The following DNAAF5 variants were observed in gnomAD, a reference collection of about 807,000 sequenced individuals.
DNAAF5 encodes dynein axonemal assembly factor 5.
A neutral mutation model predicts 75.8 loss-of-function variants in DNAAF5; 64 were observed. That is an observed-to-expected ratio of 0.84 (90% CI 0.69 to 1.04). The LOEUF (loss-of-function observed/expected upper bound fraction) is 1.04. Among genes scored for constraint, DNAAF5 ranks in the 50% least tolerant of loss-of-function variants. The pLI, the probability that DNAAF5 is intolerant of heterozygous loss-of-function variation, is 0.00. For missense variants in DNAAF5, 1,269 were observed against 1,178.5 expected (o/e 1.08, Z -1.12); for synonymous variants, 657 against 557.2 (o/e 1.18, Z -2.52).
intron 12 of DNAAF5, among the ~76,000 whole-genome samples, chr7:782,064 G>C (rs574340641): frequency 1.3e-5 from 2 of 152,226 alleles, no homozygotes; most frequent in East Asian, 1.9e-4. Flanking sequence ...GCGCAGCTGC[G>C]TCCGGTTTCC....
At chr7:768,887 A>AGAAACTGGGTCAGAAGCAGCGTG (rs1778452598) in intron 8 of DNAAF5, 3 of 502,248 alleles carry the variant, frequency 6.0e-6, no homozygotes, top group Non-Finnish European at 1.1e-5. Context: ...TGAAACAGTC[A>AGAAACTGGGTCAGAAGCAGCGTG]GAAACTGGGT....
chr7:764,123 C>A, intron 8 of DNAAF5, 149 bp downstream of exon 8: 1 of 813,274 alleles, frequency 1.2e-6, no homozygotes, highest in Non-Finnish European at 1.9e-6. Flanking sequence ...GTCACTCTTG[C>A]CTGGGGAGAA....
chr7:783,957 A>G (rs1024864486), intron 12 of DNAAF5, among the ~76,000 whole-genome samples: 1 of 148,302 alleles, frequency 6.7e-6, no homozygotes, highest in South Asian at 2.1e-4. Flanking sequence ...TCCCCACTGC[A>G]CGGTACAGGC....
intron 4 of DNAAF5, among the ~76,000 whole-genome samples, chr7:751,782 CAGG>C (rs1562384983): frequency 7.2e-5 from 11 of 151,994 alleles, no homozygotes; most frequent in Non-Finnish European, 1.2e-4. Context: ...CCATGTTAGT[CAGG>C]GTGGTCTTGA....
At chr7:753,668 C>CA (rs1194554951) in intron 4 of DNAAF5, among the ~76,000 whole-genome samples, 1 of 149,794 alleles carries the variant, frequency 6.7e-6, no homozygotes, top group African/African-American at 2.5e-5. Context: ...GCTTCGCAGG[C>CA]TTGTCTCTCT....
intron 2 of DNAAF5, among the ~76,000 whole-genome samples, chr7:735,486 G>A (rs946158141): frequency 6.6e-6 from 1 of 151,434 alleles, no homozygotes; most frequent in East Asian, 2.0e-4. Context: ...TGCTCATGGT[G>A]TCGTTGCTCA....
chr7:770,671 G>T lies in DNAAF5; in HGVS notation c.1931+53G>T, dbSNP rs182778877. The T allele has an allele frequency of 8.9e-6, 14 of 1,573,366 alleles. No individual in the cohort carries two copies. The African/African-American group carries it at 1.6e-4, about 18-fold the overall frequency. On this transcript the variant is annotated intron_variant, in intron 9 of 12. Coordinates refer to ENST00000297440, the MANE Select transcript of DNAAF5 (RefSeq NM_017802.4). ...CCCCCAGCTGGGGCCTGGGCCAGGG[G>T]TCCCCATCTCCCTCCCCAACAGCTC...
chr7:750,213 C>T (rs982901912), intron 4 of DNAAF5, among the ~76,000 whole-genome samples: 2 of 152,222 alleles, frequency 1.3e-5, no homozygotes, highest in Non-Finnish European at 2.9e-5. Flanking sequence ...ACCTGCTGCA[C>T]AGGTTCGTGG....
intron 4 of DNAAF5, among the ~76,000 whole-genome samples, chr7:745,486 G>C (rs1221745068): frequency 6.6e-6 from 1 of 152,210 alleles, no homozygotes; most frequent in African/African-American, 2.4e-5. Context: ...GTGCACACAT[G>C]TACATGCATA....
chr7:781,024 TC>T (rs1217311309), intron 12 of DNAAF5, among the ~76,000 whole-genome samples: 1 of 152,152 alleles, frequency 6.6e-6, no homozygotes, highest in African/African-American at 2.4e-5. Context: ...ACTTACACTT[TC>T]TTTGTGTTAC....
intron 11 of DNAAF5, chr7:778,404 T>C (rs1355897862): frequency 3.9e-5 from 6 of 152,186 alleles, no homozygotes; most frequent in African/African-American, 1.4e-4. Context: ...GAAGGAAGGA[T>C]GTCCTGAGTT....
chr7:772,404 G>C (rs746392052), intron 9 of DNAAF5: 3 of 152,248 alleles, frequency 2.0e-5, no homozygotes, highest in Non-Finnish European at 4.4e-5. Context: ...TTTGCATTCT[G>C]AAGTGAAGGA....
At position 785,969 on chromosome 7, in the gene DNAAF5, G is replaced by A; in HGVS notation, c.*316G>A. 3.7e-6 allele frequency: 1 copy of A among 273,234 alleles called. No individual in the cohort carries two copies. The highest frequency in any genetic ancestry group is 6.9e-6 in the Non-Finnish European group (1 of 145,374). 16.9% of individuals were successfully genotyped at this position (273,234 alleles called of 1,614,324 possible). A position where few individuals can be genotyped will look rare whatever the true frequency, so the allele number is the denominator to read the frequency against. On this transcript the variant is annotated 3_prime_UTR_variant, in exon 13 of 13. Transcript: ENST00000297440. ...ATTTTAAGCCTCACGTGCGCAGCTG[G>A]TTCATGAACTATTGGCTGCATCCTG...
intron 12 of DNAAF5, among the ~76,000 whole-genome samples, chr7:780,982 A>T (rs1042773615): frequency 6.6e-6 from 1 of 152,172 alleles, no homozygotes; most frequent in Non-Finnish European, 1.5e-5. Flanking sequence ...TGTAAATCAC[A>T]TTGGGGAAAT....
At chr7:752,064 G>A (rs1782314689) in intron 4 of DNAAF5, among the ~76,000 whole-genome samples, 1 of 152,188 alleles carries the variant, frequency 6.6e-6, no homozygotes, top group Non-Finnish European at 1.5e-5. Context: ...GGGGCCACGT[G>A]GTGTTGGCTT....
chr7:753,419 A>T (rs1469902557), intron 4 of DNAAF5, among the ~76,000 whole-genome samples: 3 of 152,240 alleles, frequency 2.0e-5, no homozygotes, highest in Non-Finnish European at 4.4e-5. Context: ...CAGCTCAGTC[A>T]CGGGACAGAT....
At chr7:738,232 C>T (rs1415829199) in intron 2 of DNAAF5, among the ~76,000 whole-genome samples, 1 of 152,134 alleles carries the variant, frequency 6.6e-6, no homozygotes, top group Non-Finnish European at 1.5e-5. Context: ...TATGCTAATT[C>T]CTTTTTTCTA....
In DNAAF5 at chr7:728,598, C is replaced by T. The variant is rs188760922; in HGVS notation, c.596-1065C>T. The stretch of plus-strand genomic sequence containing the variant: ...GGACATGGCCATTGAGAATTCCTGG[C>T]ATTTAATGTATTTCTTCTTCATCCT... On this transcript the variant is annotated intron_variant, in intron 1 of 12. Coordinates refer to ENST00000297440, the MANE Select transcript of DNAAF5 (RefSeq NM_017802.4). 1.7e-3 allele frequency among the ~76,000 whole-genome samples: 252 copies of T among 152,278 alleles called. 1 individual carries two copies. The highest frequency in any genetic ancestry group is 5.6e-3 in the African/African-American group (232 of 41,528).
At chr7:782,422 C>T (rs1778992810) in intron 12 of DNAAF5, among the ~76,000 whole-genome samples, 1 of 145,094 alleles carries the variant, frequency 6.9e-6, no homozygotes, top group African/African-American at 2.6e-5. Context: ...CCTCACGCGG[C>T]GTCAGAAACT....
Sources: allele counts gnomAD v4.1 joint callset (sites outside exome capture counted in the v4.1 genomes callset), GRCh38; gene constraint gnomAD v4.1.1; transcripts MANE v1.5; gene names NCBI Gene and HGNC (gene_info 2026-07-23, HGNC 2026-07-21).